Variants in SLC5A11 observed in about 807,000 individuals in gnomAD.
SLC5A11 encodes the protein sodium/myo-inositol cotransporter 2.
A neutral mutation model predicts 69.8 loss-of-function variants in SLC5A11; 48 were observed. That is an observed-to-expected ratio of 0.69 (90% confidence interval 0.55 to 0.87). The LOEUF is 0.87. Among genes scored for constraint, SLC5A11 ranks in the 40% least tolerant of loss-of-function variants. SLC5A11 has a pLI of 0.00. For missense variants in SLC5A11, 784 were observed against 866.1 expected (o/e 0.91, Z 1.19); for synonymous variants, 319 against 342.4 (o/e 0.93, Z 0.75).
At chr16:24,895,780 A>T (rs1296856314) in intron 9 of SLC5A11, among the ~76,000 whole-genome samples, 1 of 152,156 alleles carries the variant, frequency 6.6e-6, no homozygotes, top group African/African-American at 2.4e-5. Flanking sequence ...CATTAACAAA[A>T]ACTGCATATT....
chr16:24,867,185 C>G (rs1169373756), intron 3 of SLC5A11, among the ~76,000 whole-genome samples: 1 of 152,118 alleles, frequency 6.6e-6, no homozygotes, highest in Non-Finnish European at 1.5e-5. Flanking sequence ...AGTGTGTTGT[C>G]TATCCACAGT....
intron 10 of SLC5A11, among the ~76,000 whole-genome samples, chr16:24,901,929 A>ACAC (rs1567684557): frequency 9.0e-6 from 1 of 111,252 alleles, no homozygotes; most frequent in African/African-American, 3.7e-5. Context: ...TGGAAAAAAA[A>ACAC]ATACACACAC....
chr16:24,877,957 C>A (rs567669244), intron 7 of SLC5A11, among the ~76,000 whole-genome samples: 32 of 152,268 alleles, frequency 2.1e-4, no homozygotes, highest in African/African-American at 7.7e-4. Context: ...GCACTCCAGC[C>A]TGGGTGACAG....
chr16:24,890,303 G>A (rs1748874371), intron 8 of SLC5A11, among the ~76,000 whole-genome samples: 1 of 151,986 alleles, frequency 6.6e-6, no homozygotes, highest in South Asian at 2.1e-4. Context: ...GGCCAACGTG[G>A]TGAAACCCCA....
At chr16:24,861,802 G>GA (rs796802949) in intron 2 of SLC5A11, among the ~76,000 whole-genome samples, 24 of 128,780 alleles carry the variant, frequency 1.9e-4, no homozygotes, top group African/African-American at 7.2e-4. Context: ...AGGAAAGAAA[G>GA]AAAAGAAAAA....
intron 6 of SLC5A11, 37 bp from the exon 8 acceptor site, chr16:24,877,221 G>A (rs532747268): frequency 1.1e-5 from 18 of 1,608,680 alleles, no homozygotes; most frequent in Admixed American, 6.7e-5. Context: ...TCATTCATTC[G>A]TTCATTTGTT....
chr16:24,897,781 G>A (rs1286739298), intron 9 of SLC5A11, among the ~76,000 whole-genome samples, 193 bp from the exon 11 acceptor site: 1 of 152,160 alleles, frequency 6.6e-6, no homozygotes, highest in Non-Finnish European at 1.5e-5. Context: ...AAAACCATCA[G>A]ATCTCATGAG....
chr16:24,872,226 C>G lies in SLC5A11; in HGVS notation c.372+7C>G. 1 of 1,614,040 alleles carries G rather than the reference C, an allele frequency of 6.2e-7. No individual in the cohort carries two copies. The highest frequency in any genetic ancestry group is 8.5e-7 in the Non-Finnish European group (1 of 1,179,966). Reference sequence around the variant, plus strand: ...CATCTACATTGCTGGTCAGGTGAGTCGGGGGACATTGGGATGCTGTAGAAT... The same window carrying G: ...CATCTACATTGCTGGTCAGGTGAGTGGGGGGACATTGGGATGCTGTAGAAT... On this transcript the variant is annotated splice_region_variant and intron_variant, in intron 5 of 15. Coordinates refer to ENST00000347898, the Ensembl canonical transcript of SLC5A11.
At chr16:24,872,063 G>C (rs2047338131) in intron 4 of SLC5A11, 97 bp from the exon 6 acceptor site, 1 of 1,337,936 alleles carries the variant, frequency 7.5e-7, no homozygotes, top group South Asian at 1.2e-5. Flanking sequence ...ACCAGAGGTG[G>C]AGTTCAGGCC....
chr16:24,877,908 C>T (rs1222917239), intron 7 of SLC5A11, among the ~76,000 whole-genome samples: 1 of 152,126 alleles, frequency 6.6e-6, no homozygotes, highest in African/African-American at 2.4e-5. Context: ...CACTTGAACC[C>T]GGGAGGCGGA....
chr16:24,876,457 T>TC (rs1206313178), intron 6 of SLC5A11, among the ~76,000 whole-genome samples: 2 of 152,148 alleles, frequency 1.3e-5, no homozygotes, highest in Non-Finnish European at 2.9e-5. Context: ...TGGGCAGATC[T>TC]CCTAGGAAGT....
At chr16:24,858,070 G>C (rs1290260751) in intron 1 of SLC5A11, among the ~76,000 whole-genome samples, 1 of 152,106 alleles carries the variant, frequency 6.6e-6, no homozygotes, top group African/African-American at 2.4e-5. Flanking sequence ...CTGTAAAATG[G>C]GGATGATAAC....
intron 4 of SLC5A11, among the ~76,000 whole-genome samples, chr16:24,871,054 G>C (rs1222018760): frequency 6.6e-6 from 1 of 152,082 alleles, no homozygotes; most frequent in Non-Finnish European, 1.5e-5. Context: ...TATTAATAAT[G>C]ATCATTGCCT....
At chr16:24,895,142 GAAAA>G (rs796576626) in intron 9 of SLC5A11, among the ~76,000 whole-genome samples, 1 of 145,088 alleles carries the variant, frequency 6.9e-6, no homozygotes, top group Admixed American at 6.9e-5. Context: ...AAGAAAGAAA[GAAAA>G]AAAAAAGAAC....
chr16:24,864,483 A>G (rs1257653139), intron 3 of SLC5A11, among the ~76,000 whole-genome samples: 1 of 152,042 alleles, frequency 6.6e-6, no homozygotes, highest in Non-Finnish European at 1.5e-5. Flanking sequence ...GCAAGAATGA[A>G]TAGAAGAAAC....
At chr16:24,870,195 C>A (rs868390470) in intron 4 of SLC5A11, among the ~76,000 whole-genome samples, 190 bp downstream of exon 5, 6 of 151,678 alleles carry the variant, frequency 4.0e-5, no homozygotes, top group Non-Finnish European at 8.8e-5. Context: ...GAGTTCGAGA[C>A]CAGCCTGGCC....
chr16:24,910,675 A>G (rs181374020), intron 15 of SLC5A11, among the ~76,000 whole-genome samples, 198 bp downstream of exon 16: 48 of 152,142 alleles, frequency 3.2e-4, no homozygotes, highest in Admixed American at 2.6e-3. Flanking sequence ...CAAGCTTCCT[A>G]CGGGCACTAA....
At chr16:24,854,432 T>A (rs172076) in intron 1 of SLC5A11, among the ~76,000 whole-genome samples, 97,324 of 143,898 alleles carry the variant, frequency 0.68, 31,459 homozygotes, top group African/African-American at 0.71. Flanking sequence ...AAAGTAAAGT[T>A]TTTTTTTTTT....
chr16:24,897,565 C>G (rs908686869), intron 9 of SLC5A11, among the ~76,000 whole-genome samples: 1 of 152,102 alleles, frequency 6.6e-6, no homozygotes, highest in African/African-American at 2.4e-5. Context: ...TAAGAGAAAG[C>G]CTTCTAATAC....
Sources: allele counts gnomAD v4.1 joint callset (sites outside exome capture counted in the v4.1 genomes callset), GRCh38; gene constraint gnomAD v4.1.1; transcripts MANE v1.5; gene names NCBI Gene and HGNC (gene_info 2026-07-23, HGNC 2026-07-21).